Variants in TSPAN18 observed in about 807,000 individuals in gnomAD.
The protein encoded by TSPAN18 is tetraspanin-18.
In TSPAN18, 14 loss-of-function variants were observed where a neutral mutation model predicts 27.3. That is an observed-to-expected ratio of 0.51 (90% CI 0.34 to 0.80). The LOEUF (loss-of-function observed/expected upper bound fraction) is 0.80, where lower values mean the gene tolerates loss of function less well. TSPAN18 is among the 30% of genes least tolerant of loss of function. The pLI is 0.01. For synonymous variants in TSPAN18, 143 were observed against 136.5 expected (o/e 1.05, Z -0.33); for missense variants, 268 against 323.9 (o/e 0.83, Z 1.32).
In TSPAN18 at chr11:44,929,355, C is replaced by A; in HGVS notation, c.*177C>A. ...TTTTTTTAACAAAACAAAATGAAGA[C>A]AAAAATATGGACTGATGTATCCTCG... On this transcript the variant is annotated 3_prime_UTR_variant, in exon 10 of 10. Transcript: ENST00000520358. 2.7e-6 allele frequency: 2 copies of A among 752,728 alleles called. No homozygotes were observed. Among genetic ancestry groups the A allele is most frequent in the Non-Finnish European group, 4.2e-6 (2 of 472,360 alleles). The allele number at this position is 752,728 out of a possible 1,614,324, so 46.6% of individuals were successfully genotyped here.
intron 2 of TSPAN18, among the ~76,000 whole-genome samples, chr11:44,799,256 C>T (rs1196786074): frequency 6.6e-6 from 1 of 152,020 alleles, no homozygotes; most frequent in Non-Finnish European, 1.5e-5. Context: ...GAAAACCAGA[C>T]TAAACTGGTC....
In TSPAN18 at chr11:44,918,014, G is replaced by C; in HGVS notation, c.301G>C (p.Ala101Pro). Residue 101 changes from alanine (A) to proline (P), a missense_variant, in exon 6 of 10, where the codon GCA (alanine) becomes CCA (proline). Transcript: ENST00000520358. ...ILIIFLAELS[A>P]AILAFIFREN... Reference sequence around the variant, plus strand: ...GATCATCTTCCTGGCAGAGCTCTCAGCAGCCATCCTGGCCTTCATCTTCAG... The same window carrying C: ...GATCATCTTCCTGGCAGAGCTCTCACCAGCCATCCTGGCCTTCATCTTCAG... The C allele has an allele frequency of 6.2e-7, 1 of 1,614,104 alleles. No homozygotes were observed. Among genetic ancestry groups the C allele is most frequent in the Middle Eastern group, 1.6e-4 (1 of 6,062 alleles).
intron 3 of TSPAN18, chr11:44,886,607 AT>A (rs2135271854): frequency 6.6e-6 from 1 of 152,300 alleles, no homozygotes; most frequent in East Asian, 1.9e-4. Context: ...TTTGTGATTC[AT>A]GTAAAGGAGG....
chr11:44,786,268 C>T (rs1416058495), intron 2 of TSPAN18, among the ~76,000 whole-genome samples: 1 of 152,236 alleles, frequency 6.6e-6, no homozygotes, highest in Admixed American at 6.5e-5. Context: ...ATGGTCCCTG[C>T]TGGTAAGTGA....
At chr11:44,840,463 A>G (rs952238220) in intron 2 of TSPAN18, among the ~76,000 whole-genome samples, 1 of 152,196 alleles carries the variant, frequency 6.6e-6, no homozygotes, top group Non-Finnish European at 1.5e-5. Context: ...AGGTGAGGTA[A>G]TTATTCTTCT....
chr11:44,916,497 C>T (rs1859915070), intron 5 of TSPAN18, among the ~76,000 whole-genome samples: 1 of 152,182 alleles, frequency 6.6e-6, no homozygotes, highest in Non-Finnish European at 1.5e-5. Flanking sequence ...CAATGCCAAG[C>T]TCTGCTTGGC....
chr11:44,910,339 T>A (rs541918215), intron 5 of TSPAN18, among the ~76,000 whole-genome samples: 28 of 152,302 alleles, frequency 1.8e-4, no homozygotes, highest in East Asian at 9.6e-4. Flanking sequence ...CAGAATAAGG[T>A]TTGTGCCACA....
intron 2 of TSPAN18, among the ~76,000 whole-genome samples, chr11:44,803,498 G>A (rs1856527117): frequency 6.6e-6 from 1 of 152,204 alleles, no homozygotes; most frequent in African/African-American, 2.4e-5. Flanking sequence ...CTGTCATTAG[G>A]AGTCTGAAGG....
chr11:44,771,447 C>A (rs1855687822), intron 2 of TSPAN18, among the ~76,000 whole-genome samples: 1 of 152,142 alleles, frequency 6.6e-6, no homozygotes, highest in Non-Finnish European at 1.5e-5. Context: ...ACATGTAGTG[C>A]CTGAGCTGGA....
At chr11:44,910,012 G>A in intron 5 of TSPAN18, 113 bp downstream of exon 5, 2 of 1,315,042 alleles carry the variant, frequency 1.5e-6, no homozygotes, top group Non-Finnish European at 1.0e-6. Flanking sequence ...TCCCAAACTG[G>A]GGCGGGCTGT....
At chr11:44,909,173 G>T (rs1590672018) in intron 4 of TSPAN18, among the ~76,000 whole-genome samples, 1 of 152,178 alleles carries the variant, frequency 6.6e-6, no homozygotes, top group Admixed American at 6.5e-5. Context: ...ACGATGACTT[G>T]GTCTGTGTCT....
At chr11:44,842,584 A>G (rs889476766) in intron 2 of TSPAN18, among the ~76,000 whole-genome samples, 5 of 152,094 alleles carry the variant, frequency 3.3e-5, no homozygotes, top group Admixed American at 6.5e-5. Context: ...AGGGCCTCCT[A>G]GGCAAGCCAG....
chr11:44,863,968 G>A (rs148749900), intron 3 of TSPAN18, among the ~76,000 whole-genome samples: 228 of 152,112 alleles, frequency 1.5e-3, no homozygotes, highest in South Asian at 2.5e-3. Context: ...CAGTGTATAG[G>A]TGCCTGTTGG....
intron 2 of TSPAN18, among the ~76,000 whole-genome samples, chr11:44,847,968 G>A (rs919403766): frequency 8.6e-5 from 13 of 150,922 alleles, no homozygotes; most frequent in African/African-American, 1.7e-4. Flanking sequence ...CAAGTAGCTC[G>A]GACTACAGGT....
intron 1 of TSPAN18, among the ~76,000 whole-genome samples, chr11:44,728,672 T>A (rs1368610868): frequency 6.6e-6 from 1 of 152,140 alleles, no homozygotes; most frequent in Admixed American, 6.5e-5. Flanking sequence ...ATTTCACAAT[T>A]ATTGGTGGAA....
chr11:44,793,248 C>T (rs1186821460), intron 2 of TSPAN18, among the ~76,000 whole-genome samples: 11 of 152,222 alleles, frequency 7.2e-5, no homozygotes, highest in South Asian at 2.1e-4. Context: ...TCCTACCCCA[C>T]GCCTGCTGGT....
At chr11:44,730,418 T>C (rs1421011060) in intron 1 of TSPAN18, among the ~76,000 whole-genome samples, 1 of 152,168 alleles carries the variant, frequency 6.6e-6, no homozygotes, top group Non-Finnish European at 1.5e-5. Context: ...CATTTGTTCA[T>C]GCTCAGCTGG....
intron 2 of TSPAN18, among the ~76,000 whole-genome samples, chr11:44,783,689 G>A (rs542345014): frequency 7.2e-5 from 11 of 152,092 alleles, no homozygotes; most frequent in South Asian, 2.1e-4. Flanking sequence ...GAGCCACCGC[G>A]CCCGGCCTCC....
chr11:44,877,727 G>C (rs951479268), intron 3 of TSPAN18, among the ~76,000 whole-genome samples: 3 of 152,196 alleles, frequency 2.0e-5, no homozygotes, highest in African/African-American at 7.2e-5. Flanking sequence ...TGTGAAGCCT[G>C]TTAACGGTAA....
Sources: allele counts gnomAD v4.1 joint callset (sites outside exome capture counted in the v4.1 genomes callset), GRCh38; gene constraint gnomAD v4.1.1; transcripts MANE v1.5; gene names NCBI Gene and HGNC (gene_info 2026-07-23, HGNC 2026-07-21).